MUC12: variants seen among roughly 807,000 people sequenced by gnomAD.
MUC12 encodes the protein mucin-12.
A neutral mutation model predicts 230.8 loss-of-function variants in MUC12; 172 were observed. The ratio of observed to expected loss-of-function variants is 0.75; its 90% CI spans 0.66 to 0.85. The LOEUF is 0.85. MUC12 is among the 40% of genes least tolerant of loss of function. The pLI, the probability that MUC12 is intolerant of heterozygous loss-of-function variation, is 0.00. For synonymous variants in MUC12, 1,259 were observed against 2,401.9 expected, an observed-to-expected ratio of 0.52 and a Z score of 13.91; for missense variants, 3,506 against 5,920.6, an observed-to-expected ratio of 0.59 and a Z score of 13.38.
intron 1 of MUC12, among the ~76,000 whole-genome samples, chr7:100,987,297 C>T (rs1321397742): frequency 6.6e-6 from 1 of 152,036 alleles, no homozygotes; most frequent in Non-Finnish European, 1.5e-5. Flanking sequence ...GGACTCCTGA[C>T]CTCAAGTGAT....
At position 100,990,911 on chromosome 7, in the gene MUC12, A is replaced by C. The variant is rs1203116439; in HGVS notation, c.348A>C (p.Ser116=). 1 of 1,537,840 alleles carries C rather than the reference A, an allele frequency of 6.5e-7. No homozygotes were observed. The highest frequency in any genetic ancestry group is 2.4e-5 in the East Asian group (1 of 40,908). The change falls in exon 2 of 12, where the codon TCA becomes TCC. Residue 116 remains serine, a synonymous_variant. Transcript: ENST00000536621. The stretch of plus-strand genomic sequence containing the variant: ...AACCTAAAACCTCACCCATCACTTC[A>C]GCCTCAATGGAAACAACAGCGTTAC... The part of the protein sequence containing the change: ...VGEPKTSPIT[S]ASMETTALPG...
At chr7:101,007,178 G>A (rs1212024058) in intron 3 of MUC12, among the ~76,000 whole-genome samples, 1 of 152,100 alleles carries the variant, frequency 6.6e-6, no homozygotes, top group Non-Finnish European at 1.5e-5. Context: ...AGGCTGGTAT[G>A]GAACTACTGA....
At chr7:101,015,405 G>T in intron 9 of MUC12, 1 of 574,976 alleles carries the variant, frequency 1.7e-6, no homozygotes, top group South Asian at 2.0e-5. Context: ...ACTAAAGGGA[G>T]TGAGGGGCAG....
chr7:100,989,191 C>G (rs539722047), intron 1 of MUC12, among the ~76,000 whole-genome samples: 1 of 151,398 alleles, frequency 6.6e-6, no homozygotes, highest in African/African-American at 2.4e-5. Flanking sequence ...ACCTCGCAAC[C>G]TCTGCCTCCT....
Position 100,990,690 on chromosome 7 carries a change from A to G in MUC12, c.127A>G (p.Ser43Gly), listed in dbSNP as rs777070296. 41 of 1,537,752 alleles carry G rather than the reference A, an allele frequency of 2.7e-5. 1 individual carries two copies. The Middle Eastern group carries it at 1.3e-3, about 50-fold the overall frequency. ...NTTSASTPSSSDPFTTFSDYG... is the reference protein window; with the variant it reads ...NTTSASTPSSGDPFTTFSDYG... ...AACTTCTGCATCCACACCCAGTTCA[A>G]GCGACCCTTTTACCACCTTTAGTGA... The change falls in exon 2 of 12, where the codon AGC (serine) becomes GGC (glycine). Residue 43 changes from serine to glycine, a missense_variant. By Grantham distance (56) the Ser-to-Gly change is moderately conservative. Coordinates refer to ENST00000536621, the MANE Select transcript of MUC12 (RefSeq NM_001164462.2).
chr7:100,991,595 C>A lies in MUC12; in HGVS notation c.1032C>A (p.Pro344=). 1 of 1,537,010 alleles carries A rather than the reference C, an allele frequency of 6.5e-7. No individual in the cohort carries two copies. Among genetic ancestry groups the A allele is most frequent in the South Asian group, 1.2e-5 (1 of 84,026 alleles). The change falls in exon 2 of 12, where the codon CCC becomes CCA. Residue 344 remains proline (P), a synonymous_variant. Transcript: ENST00000536621. ...GCCCAGTTGCAACTGCAACAACACCCCCACCTGCCCGCTCCGCGACCTCAG... is the reference window on the plus strand; with the variant it reads ...GCCCAGTTGCAACTGCAACAACACCACCACCTGCCCGCTCCGCGACCTCAG... ...HSSPVATATT[P]PPARSATSGH...
chr7:100,979,829 T>A (rs530449901), intron 1 of MUC12, among the ~76,000 whole-genome samples: 48 of 152,002 alleles, frequency 3.2e-4, no homozygotes, highest in African/African-American at 1.1e-3. Flanking sequence ...CATATATACA[T>A]GTACACACAT....
intron 1 of MUC12, among the ~76,000 whole-genome samples, chr7:100,974,910 T>C (rs1274728964): frequency 6.6e-6 from 1 of 152,312 alleles, no homozygotes; most frequent in Non-Finnish European, 1.5e-5. Flanking sequence ...CCATCTTCGT[T>C]TGAAAGAGGC....
In MUC12 at chr7:101,015,660, T is replaced by C. The variant is rs1226349096; in HGVS notation, c.15846T>C (p.Pro5282=). 4.6e-6 allele frequency: 7 copies of C among 1,537,492 alleles called. No homozygotes were observed. The highest frequency in any genetic ancestry group is 2.0e-5 in the Admixed American group (1 of 50,974). Residue 5282 remains proline, a synonymous_variant, in exon 10 of 12, where the codon CCT becomes CCC. Transcript: ENST00000536621. ...AAGAGTGGCGAAAGGAAGGCACCCC[T>C]GGCATCTTCCAGAAGACGGCCATCT... ...VPQEWRKEGT[P]GIFQKTAIWE...
chr7:100,975,892 G>A (rs1213204513), intron 1 of MUC12, among the ~76,000 whole-genome samples: 4 of 152,414 alleles, frequency 2.6e-5, no homozygotes, highest in African/African-American at 9.6e-5. Flanking sequence ...AGTGGGATGA[G>A]CTGGGGTCAC....
chr7:101,010,780 G>A (rs1376233421), intron 5 of MUC12, among the ~76,000 whole-genome samples: 1 of 152,152 alleles, frequency 6.6e-6, no homozygotes, highest in East Asian at 1.9e-4. Flanking sequence ...CTCCAAAAAT[G>A]CTGGGATTAC....
intron 10 of MUC12, among the ~76,000 whole-genome samples, chr7:101,016,388 CT>C (rs1266882500): frequency 1.3e-5 from 2 of 152,104 alleles, no homozygotes; most frequent in African/African-American, 4.8e-5. Flanking sequence ...CTCACTGCAA[CT>C]TCTGTCTCCC....
chr7:101,017,693 CT>C, intron 11 of MUC12, 30 bp downstream of exon 11: 1 of 1,483,448 alleles, frequency 6.7e-7, no homozygotes, highest in Non-Finnish European at 9.1e-7. Flanking sequence ...CCCCCACCCC[CT>C]GAGGCTGCTC....
At chr7:101,015,044 T>G (rs956587792) in intron 9 of MUC12, among the ~76,000 whole-genome samples, 1 of 152,186 alleles carries the variant, frequency 6.6e-6, no homozygotes, top group African/African-American at 2.4e-5. Flanking sequence ...GTCTTCAAGG[T>G]CCTACCTCTC....
At position 100,993,046 on chromosome 7, in the gene MUC12, G is replaced by A. The variant is rs199830571; in HGVS notation, c.2483G>A (p.Ser828Asn). The change falls in exon 2 of 12, where the codon AGT (serine) becomes AAT (asparagine). Residue 828 changes from serine to asparagine, a missense_variant. Physicochemically the swap from Ser to Asn is conservative, Grantham distance 46. Coordinates refer to ENST00000536621, the MANE Select transcript of MUC12 (RefSeq NM_001164462.2). ...AGTGAGAGATCTACCACTTTCCATAGTAGCCCCAGATCACCAGCCACAACA... is the reference window on the plus strand; with the variant it reads ...AGTGAGAGATCTACCACTTTCCATAATAGCCCCAGATCACCAGCCACAACA... Reference protein sequence around the residue: ...GLSERSTTFHSSPRSPATTLS... With the variant: ...GLSERSTTFHNSPRSPATTLS... The A allele has an allele frequency of 7.3e-3, 11,247 of 1,530,328 alleles. No individual in the cohort carries two copies. The highest frequency in any genetic ancestry group is 8.9e-3 in the Non-Finnish European group (10,130 of 1,141,708). 94.8% of individuals were successfully genotyped at this position (1,530,328 alleles called of 1,614,324 possible).
Position 100,991,745 on chromosome 7 carries a change from A to G in MUC12, c.1182A>G (p.Thr394=). 1 of 1,537,960 alleles carries G rather than the reference A, an allele frequency of 6.5e-7. No homozygotes were observed. The highest frequency in any genetic ancestry group is 2.4e-5 in the East Asian group (1 of 40,928). The part of the protein sequence containing the change: ...EESATFHGST[T]HTKSSTPSTT... ...CAGCAACTTTCCACGGCAGCACAAC[A>G]CACACAAAATCTTCAACTCCTAGCA... is the stretch of plus-strand genomic sequence containing the variant. Residue 394 remains threonine, a synonymous_variant, in exon 2 of 12, where the codon ACA becomes ACG. Coordinates refer to ENST00000536621, the MANE Select transcript of MUC12 (RefSeq NM_001164462.2).
intron 3 of MUC12, among the ~76,000 whole-genome samples, chr7:101,007,758 T>C (rs936268532): frequency 2.0e-5 from 3 of 152,182 alleles, no homozygotes; most frequent in African/African-American, 7.2e-5. Flanking sequence ...TTTGGGTATA[T>C]ACCCAGCAGT....
chr7:101,008,104 G>A (rs373137136), intron 3 of MUC12, among the ~76,000 whole-genome samples: 4 of 147,264 alleles, frequency 2.7e-5, no homozygotes, highest in South Asian at 2.2e-4. Context: ...GCGCCCGGCC[G>A]GTAGCTCTAT....
chr7:100,973,988 T>TA (rs1000594386), intron 1 of MUC12, among the ~76,000 whole-genome samples: 23 of 147,616 alleles, frequency 1.6e-4, no homozygotes, highest in Middle Eastern at 3.6e-3. Context: ...CCCCATCTCT[T>TA]AAAAAAAAAA....
Sources: allele counts gnomAD v4.1 joint callset (sites outside exome capture counted in the v4.1 genomes callset), GRCh38; gene constraint gnomAD v4.1.1; transcripts MANE v1.5; gene names NCBI Gene and HGNC (gene_info 2026-07-23, HGNC 2026-07-21).